The following GSE1 variants were observed in gnomAD, a reference collection of about 807,000 sequenced individuals.
The protein encoded by GSE1 is Gse1 coiled-coil protein, also known as genetic suppressor element 1.
GSE1 carries 32 observed loss-of-function variants against 112.6 expected under a neutral mutation model. That is an observed-to-expected ratio of 0.28 (90% CI 0.21 to 0.38). The LOEUF (loss-of-function observed/expected upper bound fraction) is 0.38. Ranked by LOEUF, GSE1 falls within the 10% of genes least tolerant of loss-of-function variation. The pLI is 1.00. For synonymous variants in GSE1, 1,115 were observed against 735.6 expected, an observed-to-expected ratio of 1.52 and a Z score of -8.35; for missense variants, 2,348 against 1,699.2, an observed-to-expected ratio of 1.38 and a Z score of -6.71.
intron 2 of GSE1, among the ~76,000 whole-genome samples, chr16:85,462,930 C>A (rs2050014523): frequency 6.6e-6 from 1 of 151,498 alleles, no homozygotes; most frequent in Non-Finnish European, 1.5e-5. Flanking sequence ...TGCCGCCCCG[C>A]AGAATCCCGG....
chr16:85,589,441 G>A (rs577733175), intron 1 of GSE1, among the ~76,000 whole-genome samples: 1 of 152,344 alleles, frequency 6.6e-6, no homozygotes, highest in South Asian at 2.1e-4. Flanking sequence ...GGTGGAGCCT[G>A]GGCACTTTTG....
intron 1 of GSE1, among the ~76,000 whole-genome samples, chr16:85,339,191 A>G (rs4783170): frequency 0.89 from 134,962 of 152,214 alleles, 59,970 homozygotes; most frequent in East Asian, 1. Context: ...AGTAGTTCTC[A>G]TGGCTATTTT....
chr16:85,648,208 G>C (rs146394600), intron 2 of GSE1, among the ~76,000 whole-genome samples: 4 of 152,238 alleles, frequency 2.6e-5, no homozygotes, highest in African/African-American at 9.6e-5. Context: ...CTCTCACTCA[G>C]GGACGTCAGG....
chr16:85,256,641 C>G (rs370429107), intron 1 of GSE1, among the ~76,000 whole-genome samples: 10 of 152,266 alleles, frequency 6.6e-5, no homozygotes, highest in Non-Finnish European at 7.3e-5. Flanking sequence ...AGCTCCTCCC[C>G]ATCCCTGCCT....
intron 1 of GSE1, among the ~76,000 whole-genome samples, chr16:85,570,416 A>G (rs1246095021): frequency 1.3e-5 from 2 of 152,186 alleles, no homozygotes; most frequent in Non-Finnish European, 2.9e-5. Context: ...CACTTCGAGA[A>G]CTGACACCTG....
At chr16:85,346,606 T>TGATGGATGGATG in intron 1 of GSE1, among the ~76,000 whole-genome samples, 1 of 143,410 alleles carries the variant, frequency 7.0e-6, no homozygotes, top group African/African-American at 2.6e-5. Context: ...GATGGGTGGA[T>TGATGGATGGATG]GATGGATGGA....
chr16:85,635,165 C>G (rs2049885245), intron 2 of GSE1, among the ~76,000 whole-genome samples: 1 of 152,202 alleles, frequency 6.6e-6, no homozygotes, highest in South Asian at 2.1e-4. Context: ...TTCTGAATGT[C>G]TCCTTCCTGG....
At chr16:85,500,853 T>TA (rs2151912019) in intron 2 of GSE1, among the ~76,000 whole-genome samples, 1 of 152,274 alleles carries the variant, frequency 6.6e-6, no homozygotes, top group Non-Finnish European at 1.5e-5. Flanking sequence ...AGGATCCTTC[T>TA]TCGCCCCTTC....
chr16:85,292,111 C>A (rs925422815), intron 1 of GSE1, among the ~76,000 whole-genome samples: 7 of 151,640 alleles, frequency 4.6e-5, no homozygotes, highest in African/African-American at 1.7e-4. Context: ...TTTGTTGTAA[C>A]TGAAGGTGAA....
At chr16:85,544,903 G>A (rs952908226) in intron 2 of GSE1, among the ~76,000 whole-genome samples, 3 of 152,228 alleles carry the variant, frequency 2.0e-5, no homozygotes, top group Non-Finnish European at 4.4e-5. Flanking sequence ...GATGTGAGGA[G>A]GCCAGCCGTG....
chr16:85,634,696 C>T (rs1453789703), intron 2 of GSE1, among the ~76,000 whole-genome samples: 1 of 152,212 alleles, frequency 6.6e-6, no homozygotes, highest in African/African-American at 2.4e-5. Flanking sequence ...CTTCTGGTAT[C>T]ACCTGGGCAG....
chr16:85,655,039 T>A, intron 5 of GSE1, 48 bp downstream of exon 5: 1 of 1,199,574 alleles, frequency 8.3e-7, no homozygotes, highest in Non-Finnish European at 1.2e-6. Flanking sequence ...GGCCTGTTCC[T>A]GGCAAGATGG....
At chr16:85,555,993 A>C (rs1252883196) in exon 1 of GSE1, 45 of 984,268 alleles carry the variant, frequency 4.6e-5, no homozygotes, top group Non-Finnish European at 5.2e-5. Flanking sequence ...AAGGCAGAAA[A>C]TACACACGCG....
At chr16:85,370,769 C>T (rs965562153) in intron 2 of GSE1, among the ~76,000 whole-genome samples, 6 of 152,214 alleles carry the variant, frequency 3.9e-5, no homozygotes, top group Admixed American at 6.5e-5. Flanking sequence ...GATGACTCTG[C>T]GAGCCCATGG....
intron 2 of GSE1, among the ~76,000 whole-genome samples, chr16:85,386,074 G>A (rs930593244): frequency 5.3e-5 from 8 of 152,286 alleles, no homozygotes; most frequent in African/African-American, 1.9e-4. Flanking sequence ...TTCTGGTCAA[G>A]GCCTCTCTGT....
chr16:85,424,724 C>T (rs2048928003), intron 2 of GSE1, among the ~76,000 whole-genome samples: 2 of 152,256 alleles, frequency 1.3e-5, no homozygotes, highest in African/African-American at 4.8e-5. Context: ...CTGACAGGCG[C>T]GAGGGCTCCT....
At chr16:85,272,389 C>T (rs528178303) in intron 1 of GSE1, among the ~76,000 whole-genome samples, 2 of 152,340 alleles carry the variant, frequency 1.3e-5, no homozygotes, top group South Asian at 2.1e-4. Flanking sequence ...TGCCCTGATT[C>T]GAGATCTGGT....
At chr16:85,420,101 C>T (rs900319203) in intron 2 of GSE1, among the ~76,000 whole-genome samples, 1 of 103,062 alleles carries the variant, frequency 9.7e-6, no homozygotes, top group African/African-American at 3.3e-5. Context: ...GCAGTGTGCT[C>T]AGGCCAGACG....
chr16:85,205,625 C>G (rs1218315905), intron 1 of GSE1, among the ~76,000 whole-genome samples: 1 of 152,080 alleles, frequency 6.6e-6, no homozygotes, highest in Non-Finnish European at 1.5e-5. Context: ...CTCCAGGGCT[C>G]TACACTGGGG....
Sources: gnomAD v4.1 joint callset for allele counts (sites outside exome capture counted in the v4.1 genomes callset) on GRCh38, gnomAD v4.1.1 for gene constraint, MANE v1.5 for transcripts, NCBI Gene and HGNC (gene_info 2026-07-23, HGNC 2026-07-21) for gene names.